The following MITF variants were observed in gnomAD, a reference collection of about 807,000 sequenced individuals.
MITF encodes microphthalmia-associated transcription factor.
MITF carries 17 observed loss-of-function variants against 60.5 expected under a neutral mutation model. The observed-to-expected ratio is 0.28, with a 90% CI of 0.19 to 0.42. MITF has a LOEUF of 0.42. MITF is among the 10% of genes least tolerant of loss of function. The pLI is 1.00. For synonymous variants in MITF, 260 were observed against 248.5 expected (o/e 1.05, Z -0.43); for missense variants, 622 against 683.5 (o/e 0.91, Z 1.00).
In MITF at chr3:69,967,697, A is replaced by G. The variant is rs1399028481; in HGVS notation, c.*2449A>G. 2 of 232,900 alleles carry G rather than the reference A, an allele frequency of 8.6e-6. No individual in the cohort carries two copies. The highest frequency in any genetic ancestry group is 1.2e-4 in the East Asian group (2 of 16,568). The allele number at this position is 232,900 out of a possible 1,614,324, so 14.4% of individuals were successfully genotyped here. A position where few individuals can be genotyped will look rare whatever the true frequency, so the allele number is the denominator to read the frequency against. ...TGAGCAAGCCCAGGAGAATGCTGCA[A>G]TCTTGGGGGTGGTTTTATTTATTTC... On this transcript the variant is annotated 3_prime_UTR_variant, in exon 10 of 10. Coordinates refer to ENST00000352241, the MANE Select transcript of MITF (RefSeq NM_001354604.2).
At chr3:69,751,832 G>T (rs2106771238) in intron 1 of MITF, among the ~76,000 whole-genome samples, 1 of 152,208 alleles carries the variant, frequency 6.6e-6, no homozygotes, top group South Asian at 2.1e-4. Context: ...GTTCCAGGTG[G>T]GGCCTGGTGG....
rs2063179908 is a variant in MITF at position 69,816,248 on chromosome 3, G to A, written c.105-62886G>A. Among the ~76,000 whole-genome samples the A allele has an allele frequency of 2.0e-5, 3 of 152,170 alleles. No individual in the cohort carries two copies. In the South Asian group the frequency reaches 6.2e-4, roughly 32 times the overall value. On this transcript the variant is annotated intron_variant, in intron 1 of 9. Transcript: ENST00000352241. ...TAGGTCTCTTCCTTTGTTGTACTGTGGCCTGCATATTCCAGCCATCTCATT... is the reference window on the plus strand; with the variant it reads ...TAGGTCTCTTCCTTTGTTGTACTGTAGCCTGCATATTCCAGCCATCTCATT...
rs182483205 is a variant in MITF at position 69,966,183 on chromosome 3, T to G, written c.*935T>G. ...TGTTCATTTGATTTGTACAGATTCT[T>G]TATTATCATTGTTCTTTTCAATATA... On this transcript the variant is annotated 3_prime_UTR_variant, in exon 10 of 10. Coordinates refer to ENST00000352241, the MANE Select transcript of MITF (RefSeq NM_001354604.2). 4.7e-5 allele frequency: 11 copies of G among 232,818 alleles called. No individual in the cohort carries two copies. In the East Asian group the frequency reaches 6.1e-4, roughly 13 times the overall value. 14.4% of individuals were successfully genotyped at this position (232,818 alleles called of 1,614,324 possible). A position where few individuals can be genotyped will look rare whatever the true frequency, so the allele number is the denominator to read the frequency against.
intron 2 of MITF, among the ~76,000 whole-genome samples, chr3:69,879,870 A>G (rs940825946): frequency 2.0e-5 from 3 of 152,222 alleles, no homozygotes; most frequent in Non-Finnish European, 4.4e-5. Context: ...ACCAGACTAC[A>G]TAATCCTTTT....
At chr3:69,787,019 TGATAA>T (rs2062661058) in intron 1 of MITF, among the ~76,000 whole-genome samples, 1 of 152,178 alleles carries the variant, frequency 6.6e-6, no homozygotes, top group African/African-American at 2.4e-5. Flanking sequence ...CACTTCGTGA[TGATAA>T]GATGTCTGCC....
intron 1 of MITF, among the ~76,000 whole-genome samples, chr3:69,814,933 C>T (rs1027430650): frequency 4.6e-5 from 7 of 152,104 alleles, no homozygotes; most frequent in Non-Finnish European, 8.8e-5. Context: ...CTTAAGACTT[C>T]GGCTCTTCTT....
At chr3:69,934,579 G>C (rs1362783763) in intron 2 of MITF, among the ~76,000 whole-genome samples, 3 of 152,176 alleles carry the variant, frequency 2.0e-5, no homozygotes, top group Non-Finnish European at 4.4e-5. Context: ...CAATATGCTA[G>C]GAGATGAGGG....
intron 2 of MITF, among the ~76,000 whole-genome samples, chr3:69,926,367 A>G (rs909857803): frequency 6.6e-6 from 1 of 152,208 alleles, no homozygotes; most frequent in South Asian, 2.1e-4. Context: ...AACCAGTAGC[A>G]TTCAGCAGCT....
intron 1 of MITF, among the ~76,000 whole-genome samples, chr3:69,797,671 C>T (rs183212775): frequency 3.2e-4 from 48 of 152,284 alleles, no homozygotes; most frequent in Admixed American, 9.2e-4. Context: ...AATGCTGACA[C>T]TTTCACTGTA....
At chr3:69,879,495 A>G (rs1434431017) in intron 2 of MITF, 112 bp downstream of exon 2, 29 of 1,538,916 alleles carry the variant, frequency 1.9e-5, no homozygotes, top group African/African-American at 5.5e-5. Flanking sequence ...TCAGAATTAT[A>G]TTTGAAAACT....
At chr3:69,750,586 G>A (rs1703900877) in intron 1 of MITF, among the ~76,000 whole-genome samples, 1 of 151,588 alleles carries the variant, frequency 6.6e-6, no homozygotes. Context: ...AATCATTAGG[G>A]CAGTGGTTCT....
chr3:69,857,761 T>C (rs1242446120), intron 1 of MITF, among the ~76,000 whole-genome samples: 1 of 152,202 alleles, frequency 6.6e-6, no homozygotes, highest in Non-Finnish European at 1.5e-5. Context: ...ATATCAGTTA[T>C]GCATCTTAAG....
intron 2 of MITF, among the ~76,000 whole-genome samples, chr3:69,888,065 A>G (rs2064666207): frequency 6.6e-6 from 1 of 152,114 alleles, no homozygotes; most frequent in Admixed American, 6.6e-5. Context: ...AATTTTTAAA[A>G]GTAGTTAAGA....
At chr3:69,923,100 G>A (rs529845505) in intron 2 of MITF, among the ~76,000 whole-genome samples, 1 of 152,292 alleles carries the variant, frequency 6.6e-6, no homozygotes, top group Non-Finnish European at 1.5e-5. Flanking sequence ...AGAAGAAATA[G>A]TGATTACATA....
intron 2 of MITF, among the ~76,000 whole-genome samples, chr3:69,884,212 C>T (rs998889968): frequency 6.6e-6 from 1 of 152,104 alleles, no homozygotes; most frequent in Non-Finnish European, 1.5e-5. Flanking sequence ...CCACCGCCTC[C>T]CTTCCGTCAT....
intron 1 of MITF, among the ~76,000 whole-genome samples, chr3:69,784,323 ACTC>A (rs2062614173): frequency 6.6e-6 from 1 of 151,932 alleles, no homozygotes; most frequent in Non-Finnish European, 1.5e-5. Context: ...GCAACTTAAT[ACTC>A]CTCCTTACTA....
At position 69,878,408 on chromosome 3, in the gene MITF, A is replaced by C. The variant is rs559099668; in HGVS notation, c.105-726A>C. ...ACCAAAACCATTAGAAGTAGTCCTC[A>C]TGGGGAATGCACAGAGAACACATTG... On this transcript the variant is annotated intron_variant, in intron 1 of 9. Transcript: ENST00000352241. Among the ~76,000 whole-genome samples the C allele has an allele frequency of 3.2e-4, 49 of 152,122 alleles. 1 individual carries two copies. The highest frequency in any genetic ancestry group is 5.7e-4 in the Non-Finnish European group (39 of 68,004).
chr3:69,950,994 C>A (rs1041227311), intron 6 of MITF, among the ~76,000 whole-genome samples: 9 of 151,288 alleles, frequency 5.9e-5, no homozygotes, highest in Admixed American at 2.0e-4. Context: ...GATTTCATTA[C>A]AGCAGGTTTT....
chr3:69,841,047 C>T (rs941637355), intron 1 of MITF, among the ~76,000 whole-genome samples: 1 of 152,170 alleles, frequency 6.6e-6, no homozygotes, highest in African/African-American at 2.4e-5. Context: ...TGAGCCACCA[C>T]ACCAGGCCTC....
Sources: gnomAD v4.1 joint callset for allele counts (sites outside exome capture counted in the v4.1 genomes callset) on GRCh38, gnomAD v4.1.1 for gene constraint, MANE v1.5 for transcripts, NCBI Gene and HGNC (gene_info 2026-07-23, HGNC 2026-07-21) for gene names.